MOV10L1: variants seen among roughly 807,000 people sequenced by gnomAD.
MOV10L1 encodes RNA helicase Mov10l1.
A neutral mutation model predicts 143.8 loss-of-function variants in MOV10L1; 110 were observed. That is an observed-to-expected ratio of 0.76 (90% CI 0.66 to 0.90). MOV10L1 has a LOEUF of 0.90. Among genes scored for constraint, MOV10L1 ranks in the 40% least tolerant of loss-of-function variants. The probability of loss-of-function intolerance (pLI) is 0.00; values close to 1 mark genes in which losing one functional copy is unlikely to be tolerated. For synonymous variants in MOV10L1, 593 were observed against 581.1 expected, an observed-to-expected ratio of 1.02 and a Z score of -0.29; for missense variants, 1,406 against 1,526.8, an observed-to-expected ratio of 0.92 and a Z score of 1.32.
chr22:50,132,446 G>T (rs999240717), intron 13 of MOV10L1, among the ~76,000 whole-genome samples: 2 of 152,114 alleles, frequency 1.3e-5, no homozygotes, highest in African/African-American at 4.8e-5. Flanking sequence ...CTTGAAAAGG[G>T]TATGTCTCTC....
chr22:50,119,685 A>G (rs1384824050), intron 9 of MOV10L1, among the ~76,000 whole-genome samples: 5 of 150,070 alleles, frequency 3.3e-5, no homozygotes, highest in African/African-American at 4.9e-5. Context: ...GCGCTGACAT[A>G]ACCCTCAGCA....
intron 2 of MOV10L1, chr22:50,096,069 A>C (rs1162769962): frequency 2.0e-5 from 3 of 152,130 alleles, no homozygotes; most frequent in Non-Finnish European, 4.4e-5. Flanking sequence ...GTAATATACC[A>C]TTTTAACCAT....
chr22:50,158,295 TC>T lies in MOV10L1; in HGVS notation c.3216+91del. On this transcript the variant is annotated intron_variant, in intron 23 of 26. Coordinates refer to ENST00000262794, the MANE Select transcript of MOV10L1 (RefSeq NM_018995.3). The surrounding 1 kb of genome is among the most constrained non-coding windows in gnomAD (Gnocchi z 5.0). The stretch of plus-strand genomic sequence containing the variant: ...CAGCTCCACAGAGGCAGGAACAAGC[TC>T]CTTGTGAGCAGCAGCAGGTTTTTAA... 3.3e-6 allele frequency: 5 copies of T among 1,518,378 alleles called. No homozygotes were observed. The highest frequency in any genetic ancestry group is 4.5e-6 in the Non-Finnish European group (5 of 1,113,408). 94.1% of individuals were successfully genotyped at this position (1,518,378 alleles called of 1,614,324 possible).
At chr22:50,120,379 GTTC>G in intron 9 of MOV10L1, 120 bp from the exon 10 acceptor site, 1 of 662,850 alleles carries the variant, frequency 1.5e-6, no homozygotes, top group Admixed American at 2.6e-5. Flanking sequence ...TCATATATCA[GTTC>G]TTCTCAGGAA....
rs62239265 is a variant in MOV10L1, at chr22:50,137,803, A to T, written c.2070+3173A>T. Reference sequence around the variant, plus strand: ...ATACATATATAAATATACATATTTTATATATATACATATATAAATATACAT... The same window carrying T: ...ATACATATATAAATATACATATTTTTTATATATACATATATAAATATACAT... On this transcript the variant is annotated intron_variant, in intron 15 of 26. Coordinates refer to ENST00000262794, the MANE Select transcript of MOV10L1 (RefSeq NM_018995.3). Among the ~76,000 whole-genome samples, 5 of 53,912 alleles carry T rather than the reference A, an allele frequency of 9.3e-5. No individual in the cohort carries two copies. The East Asian group carries it at 1.1e-3, about 12-fold the overall frequency. 35.4% of individuals were successfully genotyped at this position (53,912 alleles called of 152,430 possible).
At chr22:50,154,401 AAT>A (rs903043333) in intron 22 of MOV10L1, among the ~76,000 whole-genome samples, 1 of 151,710 alleles carries the variant, frequency 6.6e-6, no homozygotes, top group African/African-American at 2.4e-5. Context: ...CTTAAAAAAA[AAT>A]TTTTTTTTTT....
rs759125844 is a variant in MOV10L1 at position 50,142,134 on chromosome 22, T to C, written c.2124T>C (p.Val708=). 1 of 1,613,608 alleles carries C rather than the reference T, an allele frequency of 6.2e-7. No individual in the cohort carries two copies. The highest frequency in any genetic ancestry group is 2.2e-5 in the East Asian group (1 of 44,808). ...AGCATGGAACAGAGGAGAGGCGTGT[T>C]GGTGACAAGGACCTGCCGGTGCTGG... is the stretch of plus-strand genomic sequence containing the variant. ...QAEHGTEERR[V]GDKDLPVLAP... The change falls in exon 16 of 27, where the codon GTT becomes GTC. Residue 708 remains valine, a synonymous_variant. Transcript: ENST00000262794.
chr22:50,124,599 G>A (rs1056104010), intron 10 of MOV10L1, among the ~76,000 whole-genome samples: 14 of 152,274 alleles, frequency 9.2e-5, no homozygotes, highest in African/African-American at 2.6e-4. Flanking sequence ...TTCCAATTCC[G>A]GGCAGGCTGC....
chr22:50,104,116 C>T (rs960022650), intron 3 of MOV10L1, among the ~76,000 whole-genome samples: 2 of 152,108 alleles, frequency 1.3e-5, no homozygotes, highest in Non-Finnish European at 2.9e-5. Context: ...CTCGCATGCA[C>T]GGTTCACAAT....
chr22:50,107,027 C>T (rs2061889135), intron 3 of MOV10L1, among the ~76,000 whole-genome samples: 1 of 149,614 alleles, frequency 6.7e-6, no homozygotes, highest in African/African-American at 2.5e-5. Context: ...AAAATACTCC[C>T]TGACCTTGAA....
intron 4 of MOV10L1, 71 bp from the exon 5 acceptor site, chr22:50,108,586 G>C: frequency 1.3e-6 from 2 of 1,542,996 alleles, no homozygotes; most frequent in South Asian, 1.2e-5. Context: ...GCTGACTTGG[G>C]CGTGTGTTAG....
intron 6 of MOV10L1, 85 bp downstream of exon 6, chr22:50,113,873 T>A: frequency 8.0e-7 from 1 of 1,247,792 alleles, no homozygotes; most frequent in Non-Finnish European, 1.1e-6. Flanking sequence ...AAACCAACTT[T>A]ACTTTGGTCA....
intron 19 of MOV10L1, 150 bp from the exon 20 acceptor site, chr22:50,149,465 C>G (rs993054695): frequency 6.1e-6 from 4 of 652,922 alleles, no homozygotes; most frequent in Non-Finnish European, 1.1e-5. Flanking sequence ...TCCCTCCAGC[C>G]GGGTGACACC....
intron 13 of MOV10L1, among the ~76,000 whole-genome samples, chr22:50,130,845 C>T (rs1569306314): frequency 2.0e-5 from 3 of 152,134 alleles, no homozygotes; most frequent in Non-Finnish European, 2.9e-5. Context: ...AGGGATATCT[C>T]GTTGTGGATT....
chr22:50,138,570 T>G (rs1056340436), intron 15 of MOV10L1, among the ~76,000 whole-genome samples: 15 of 149,472 alleles, frequency 1.0e-4, no homozygotes, highest in Admixed American at 4.0e-4. Flanking sequence ...AAAAAAAAAA[T>G]AGAAAAGAAA....
chr22:50,155,540 A>G (rs2063404388), intron 22 of MOV10L1, among the ~76,000 whole-genome samples: 1 of 152,126 alleles, frequency 6.6e-6, no homozygotes, highest in Non-Finnish European at 1.5e-5. Context: ...CAGTGGTGCA[A>G]TCTTGGCTCA....
intron 21 of MOV10L1, 95 bp downstream of exon 21, chr22:50,150,994 T>A (rs1238358717): frequency 6.7e-7 from 1 of 1,494,638 alleles, no homozygotes; most frequent in Non-Finnish European, 9.1e-7. Flanking sequence ...ACCTGAGTCA[T>A]CTCCATCCGT....
At chr22:50,151,929 C>T (rs1245058286) in intron 21 of MOV10L1, among the ~76,000 whole-genome samples, 1 of 152,252 alleles carries the variant, frequency 6.6e-6, no homozygotes, top group Admixed American at 6.5e-5. Flanking sequence ...GAGCGGCTGC[C>T]ACAGTGACCC....
chr22:50,114,886 G>A (rs888553551), intron 7 of MOV10L1, among the ~76,000 whole-genome samples: 1 of 152,202 alleles, frequency 6.6e-6, no homozygotes, highest in Non-Finnish European at 1.5e-5. Context: ...TGCTGGGCGC[G>A]CCGGGGCAGG....
Sources: allele counts gnomAD v4.1 joint callset (sites outside exome capture counted in the v4.1 genomes callset), GRCh38; gene constraint gnomAD v4.1.1; non-coding constraint Gnocchi (gnomAD v3.1); transcripts MANE v1.5; gene names NCBI Gene and HGNC (gene_info 2026-07-23, HGNC 2026-07-21).